The following MYO18B variants were observed in gnomAD, a reference collection of about 807,000 sequenced individuals.
MYO18B encodes the protein unconventional myosin-XVIIIb.
In MYO18B, 204 loss-of-function variants were observed where a neutral mutation model predicts 273.0. That is an observed-to-expected ratio of 0.75 (90% CI 0.67 to 0.84). MYO18B has a LOEUF of 0.84. Ranked by LOEUF, MYO18B falls within the 40% of genes least tolerant of loss-of-function variation. MYO18B has a pLI of 0.00. For synonymous variants in MYO18B, 1,330 were observed against 1,305.7 expected (o/e 1.02, Z -0.40); for missense variants, 3,212 against 3,287.6 (o/e 0.98, Z 0.56).
At chr22:25,955,995 T>C (rs1444191015) in intron 39 of MYO18B, among the ~76,000 whole-genome samples, 1 of 152,188 alleles carries the variant, frequency 6.6e-6, no homozygotes, top group Non-Finnish European at 1.5e-5. Flanking sequence ...TAAATCCTCA[T>C]TTCAGAACTG....
chr22:26,014,666 A>G (rs1363277107), intron 42 of MYO18B, among the ~76,000 whole-genome samples: 3 of 152,196 alleles, frequency 2.0e-5, no homozygotes, highest in Non-Finnish European at 4.4e-5. Context: ...TTTCCAATGT[A>G]CACTTCCACC....
Position 26,010,140 on chromosome 22 carries a change from C to T in MYO18B, c.6470+5285C>T, listed in dbSNP as rs141080540. 4.6e-3 allele frequency among the ~76,000 whole-genome samples: 705 copies of T among 152,236 alleles called. 5 individuals are homozygous for T. Among genetic ancestry groups the T allele is most frequent in the African/African-American group, 0.016 (658 of 41,530 alleles). On this transcript the variant is annotated intron_variant, in intron 42 of 43. Transcript: ENST00000335473. ...TCAACGAATCCGTAAGTCTTGTATT[C>T]TACCCCCCACCCAAACAAATACTCT...
intron 17 of MYO18B, among the ~76,000 whole-genome samples, chr22:25,840,268 C>T (rs2090043860): frequency 6.6e-6 from 1 of 152,246 alleles, no homozygotes; most frequent in Admixed American, 6.5e-5. Flanking sequence ...TCACACAGCT[C>T]TCTTTGCTGC....
At chr22:25,993,099 T>A (rs565545917) in intron 40 of MYO18B, among the ~76,000 whole-genome samples, 8 of 152,218 alleles carry the variant, frequency 5.3e-5, no homozygotes, top group Non-Finnish European at 4.4e-5. Context: ...CAGGGCTTCT[T>A]GCCTTTCTCA....
intron 39 of MYO18B, among the ~76,000 whole-genome samples, chr22:25,962,126 C>G (rs1354992224): frequency 6.6e-6 from 1 of 152,180 alleles, no homozygotes; most frequent in Non-Finnish European, 1.5e-5. Context: ...TATAGCAACA[C>G]AATTGAAATA....
chr22:25,764,127 A>G (rs544429027), intron 3 of MYO18B, among the ~76,000 whole-genome samples: 1 of 152,364 alleles, frequency 6.6e-6, no homozygotes, highest in African/African-American at 2.4e-5. Flanking sequence ...ACCTTCCTCC[A>G]GCTGGTGTCC....
intron 39 of MYO18B, 34 bp downstream of exon 39, chr22:25,955,398 C>T: frequency 6.3e-7 from 1 of 1,580,334 alleles, no homozygotes; most frequent in Non-Finnish European, 8.6e-7. Context: ...CTCTTAGCGA[C>T]TGAGGGTTTG....
chr22:25,981,540 G>A (rs2093148465), intron 39 of MYO18B, among the ~76,000 whole-genome samples: 1 of 152,196 alleles, frequency 6.6e-6, no homozygotes, highest in Non-Finnish European at 1.5e-5. Flanking sequence ...AGGAAGTCAA[G>A]ACCAGCTTGG....
downstream of MYO18B, among the ~76,000 whole-genome samples, chr22:26,033,877 T>C (rs9624957): frequency 0.17 from 24,643 of 146,238 alleles, 4,257 homozygotes; most frequent in African/African-American, 0.42. Context: ...TCCTTCTTTC[T>C]TTCTTTCCTT....
chr22:26,050,373 G>A, the MYO18B span, among the ~76,000 whole-genome samples: 1 of 152,228 alleles, frequency 6.6e-6, no homozygotes, highest in Admixed American at 6.5e-5. Context: ...TATACAGACT[G>A]TAGACCAGAA....
rs370434998 is a variant in MYO18B at position 25,761,030 on chromosome 22, C to T, written c.-63C>T. 92 of 1,574,836 alleles carry T rather than the reference C, an allele frequency of 5.8e-5. No homozygotes were observed. The highest frequency in any genetic ancestry group is 3.8e-4 in the African/African-American group (28 of 74,356). ...TGCGTGTGTCTGTAAAGCCTCATTC[C>T]GTGCTGTCTGGCAGGAAGCTCCATC... is the stretch of plus-strand genomic sequence containing the variant. On this transcript the variant is annotated 5_prime_UTR_variant, in exon 2 of 44. Transcript: ENST00000335473.
chr22:25,882,237 T>C (rs767114610), intron 25 of MYO18B, among the ~76,000 whole-genome samples: 3 of 151,452 alleles, frequency 2.0e-5, no homozygotes, highest in Admixed American at 6.6e-5. Flanking sequence ...TGGCACAGGA[T>C]AGATAAAGAA....
At chr22:25,919,719 C>T (rs540111145) in intron 33 of MYO18B, among the ~76,000 whole-genome samples, 13 of 150,090 alleles carry the variant, frequency 8.7e-5, no homozygotes, top group African/African-American at 2.8e-4. Context: ...TATAATAGAA[C>T]AGCATTTTGA....
intron 36 of MYO18B, among the ~76,000 whole-genome samples, chr22:25,949,736 CA>C (rs1373832757): frequency 2.6e-5 from 4 of 152,110 alleles, no homozygotes; most frequent in Non-Finnish European, 4.4e-5. Flanking sequence ...TGTTCAGTTA[CA>C]AAGGCACTAT....
chr22:26,027,470 A>G lies in MYO18B; in HGVS notation c.7496A>G (p.Lys2499Arg), dbSNP rs776862497. ...ATTTTGAAGAAGAGCCCGGAGCCCAAGGAGGATCCCGCTCACCTGTCTGAC... is the reference window on the plus strand; with the variant it reads ...ATTTTGAAGAAGAGCCCGGAGCCCAGGGAGGATCCCGCTCACCTGTCTGAC... ...KTILKKSPEP[K>R]EDPAHLSDSS... Residue 2499 changes from lysine to arginine, a missense_variant, in exon 43 of 44, where the codon AAG becomes AGG. Coordinates refer to ENST00000335473, the MANE Select transcript of MYO18B (RefSeq NM_032608.7). The surrounding 1 kb of genome is among the most constrained non-coding windows in gnomAD (Gnocchi z 4.1). 6 of 1,613,940 alleles carry G rather than the reference A, an allele frequency of 3.7e-6. No homozygotes were observed. The highest frequency in any genetic ancestry group is 1.1e-5 in the South Asian group (1 of 91,068).
intron 10 of MYO18B, among the ~76,000 whole-genome samples, chr22:25,784,861 G>A (rs2087312790): frequency 1.3e-5 from 2 of 152,204 alleles, no homozygotes; most frequent in Non-Finnish European, 1.5e-5. Context: ...GCTTCATAAA[G>A]TGCAGACTGA....
chr22:25,761,919 C>G (rs183736837), intron 2 of MYO18B, among the ~76,000 whole-genome samples: 21 of 152,118 alleles, frequency 1.4e-4, no homozygotes, highest in Admixed American at 8.5e-4. Context: ...GTCAGGAGTT[C>G]GAGACCAGTC....
Position 25,854,641 on chromosome 22 carries a change from G to C in MYO18B, c.3885+3062G>C, listed in dbSNP as rs537460799. On this transcript the variant is annotated intron_variant, in intron 21 of 43. Transcript: ENST00000335473. ...ACTTTTTCGTCTTGCAAAATTGAAA[G>C]TTGGTACCCATTAAACAATAATTCC... Among the ~76,000 whole-genome samples, 7 of 152,334 alleles carry C rather than the reference G, an allele frequency of 4.6e-5. No individual in the cohort carries two copies. The South Asian group carries it at 1.2e-3, about 27-fold the overall frequency.
At chr22:25,772,293 G>T (rs951778641) in intron 6 of MYO18B, 41 bp from the exon 7 acceptor site, 9 of 1,588,916 alleles carry the variant, frequency 5.7e-6, no homozygotes, top group Non-Finnish European at 7.7e-6. Context: ...GGGGCCAGAA[G>T]GCCAGAAGGC....
Sources: gnomAD v4.1 joint callset for allele counts (sites outside exome capture counted in the v4.1 genomes callset) on GRCh38, gnomAD v4.1.1 for gene constraint, Gnocchi (gnomAD v3.1) non-coding constraint, MANE v1.5 for transcripts, NCBI Gene and HGNC (gene_info 2026-07-23, HGNC 2026-07-21) for gene names.